PRKD1: variants seen among roughly 807,000 people sequenced by gnomAD.
PRKD1 encodes the protein serine/threonine-protein kinase D1.
Under a neutral mutation model 95.9 loss-of-function variants are expected in PRKD1, and 63 were observed. The ratio of observed to expected loss-of-function variants is 0.66; its 90% CI spans 0.54 to 0.81. The LOEUF is 0.81. PRKD1 is among the 30% of genes least tolerant of loss of function. The pLI, the probability that PRKD1 is intolerant of heterozygous loss-of-function variation, is 0.00. For missense variants in PRKD1, 1,048 were observed against 1,165.3 expected (o/e 0.90, Z 1.47); for synonymous variants, 425 against 423.1 (o/e 1.00, Z -0.05).
At chr14:29,737,211 A>G (rs1886762508) in intron 1 of PRKD1, among the ~76,000 whole-genome samples, 1 of 150,658 alleles carries the variant, frequency 6.6e-6, no homozygotes. Flanking sequence ...AGTCCCAGCT[A>G]CTGGGGAGGC....
chr14:29,688,416 T>C (rs1169511284), intron 2 of PRKD1, among the ~76,000 whole-genome samples: 1 of 151,926 alleles, frequency 6.6e-6, no homozygotes, highest in Non-Finnish European at 1.5e-5. Flanking sequence ...TGCACAACTT[T>C]ATGAGGTAGG....
intron 1 of PRKD1, among the ~76,000 whole-genome samples, chr14:29,862,649 T>C (rs1322186779): frequency 1.3e-5 from 2 of 152,212 alleles, no homozygotes; most frequent in African/African-American, 2.4e-5. Context: ...TTATGTCTGT[T>C]TGCCATTTGC....
At chr14:29,666,685 T>G (rs558438691) in intron 2 of PRKD1, among the ~76,000 whole-genome samples, 2 of 152,092 alleles carry the variant, frequency 1.3e-5, no homozygotes, top group African/African-American at 4.8e-5. Context: ...AGTTGAAAGA[T>G]AGATATAAAA....
chr14:29,734,570 C>T (rs1341329344), intron 1 of PRKD1, among the ~76,000 whole-genome samples: 1 of 152,126 alleles, frequency 6.6e-6, no homozygotes, highest in Non-Finnish European at 1.5e-5. Flanking sequence ...ATTCTTTGAA[C>T]ATCTCTAAAT....
intron 1 of PRKD1, among the ~76,000 whole-genome samples, chr14:29,834,811 TAGAA>T (rs148053758): frequency 0.012 from 1,877 of 152,278 alleles, 41 homozygotes; most frequent in African/African-American, 0.043. Context: ...ATTCCCATCT[TAGAA>T]AGGAAGAAAC....
intron 16 of PRKD1, among the ~76,000 whole-genome samples, chr14:29,585,753 C>T (rs145940316): frequency 6.6e-6 from 1 of 152,088 alleles, no homozygotes; most frequent in Non-Finnish European, 1.5e-5. Flanking sequence ...GAGTAACTGC[C>T]ATGCAGATTA....
At chr14:29,924,514 C>T (rs1413802090) in intron 1 of PRKD1, among the ~76,000 whole-genome samples, 1 of 152,092 alleles carries the variant, frequency 6.6e-6, no homozygotes, top group Non-Finnish European at 1.5e-5. Context: ...TTCCAATGCT[C>T]GTATGATCTA....
At chr14:29,774,478 A>T (rs1888647133) in intron 1 of PRKD1, among the ~76,000 whole-genome samples, 1 of 152,094 alleles carries the variant, frequency 6.6e-6, no homozygotes, top group Admixed American at 6.6e-5. Flanking sequence ...TAATAATAAC[A>T]CTTACTGAGG....
rs186868664 is a variant in PRKD1, at chr14:29,845,932, A to T, written c.264+81317T>A. Among the ~76,000 whole-genome samples, 223 of 152,324 alleles carry T rather than the reference A, an allele frequency of 1.5e-3. 2 individuals are homozygous for T. The highest frequency in any genetic ancestry group is 5.2e-3 in the African/African-American group (218 of 41,580). On this transcript the variant is annotated intron_variant, in intron 1 of 17. Coordinates refer to ENST00000331968, the MANE Select transcript of PRKD1 (RefSeq NM_002742.3). ...TCTAAAATGGGTTGTTGATGAATCT[A>T]TTTAATAACAGCTCAGGAGTTTATC...
chr14:29,876,298 A>G (rs796896351), intron 1 of PRKD1, among the ~76,000 whole-genome samples: 10 of 152,180 alleles, frequency 6.6e-5, no homozygotes, highest in African/African-American at 2.2e-4. Flanking sequence ...AGGCAAAACC[A>G]TGGGGATAAA....
intron 1 of PRKD1, among the ~76,000 whole-genome samples, chr14:29,849,541 T>C (rs1393988514): frequency 6.6e-6 from 1 of 150,414 alleles, no homozygotes; most frequent in Non-Finnish European, 1.5e-5. Context: ...GTTAAAAAAC[T>C]GAATCAGTGA....
chr14:29,582,219 C>T (rs1169739823), intron 16 of PRKD1, among the ~76,000 whole-genome samples: 2 of 152,144 alleles, frequency 1.3e-5, no homozygotes, highest in Non-Finnish European at 2.9e-5. Context: ...TAAATATTTG[C>T]AAATCATCTA....
rs1219880287 is a variant in PRKD1, at chr14:29,581,070, A to G, written c.2435-2710T>C. Among the ~76,000 whole-genome samples, 4 of 152,146 alleles carry G rather than the reference A, an allele frequency of 2.6e-5. No individual in the cohort carries two copies. In the South Asian group the frequency reaches 6.2e-4, roughly 24 times the overall value. ...AAAAAAAAAGTGTTTTCTTTTTATAACTTACTGTCATTAGTCCTATTTATG... is the reference window on the plus strand; with the variant it reads ...AAAAAAAAAGTGTTTTCTTTTTATAGCTTACTGTCATTAGTCCTATTTATG... On this transcript the variant is annotated intron_variant, in intron 16 of 17. Transcript: ENST00000331968.
chr14:29,832,531 A>G (rs913939727), intron 1 of PRKD1, among the ~76,000 whole-genome samples: 1 of 152,018 alleles, frequency 6.6e-6, no homozygotes, highest in Non-Finnish European at 1.5e-5. Flanking sequence ...GGTGGTATAA[A>G]ATTTATCTAC....
At chr14:29,744,655 T>A (rs1887131513) in intron 1 of PRKD1, among the ~76,000 whole-genome samples, 1 of 152,196 alleles carries the variant, frequency 6.6e-6, no homozygotes, top group East Asian at 1.9e-4. Context: ...CAAGTGATTA[T>A]CCTGCTTCAG....
chr14:29,624,315 A>T, intron 12 of PRKD1, 57 bp from the exon 13 acceptor site: 1 of 1,262,338 alleles, frequency 7.9e-7, no homozygotes, highest in Non-Finnish European at 1.1e-6. Flanking sequence ...TATCTTAAAG[A>T]ACACTAAAAT....
chr14:29,828,457 G>C (rs1346225113), intron 1 of PRKD1, among the ~76,000 whole-genome samples: 3 of 152,028 alleles, frequency 2.0e-5, no homozygotes, highest in Non-Finnish European at 4.4e-5. Context: ...CCTCCCACTA[G>C]GCCCACCTCT....
intron 13 of PRKD1, among the ~76,000 whole-genome samples, chr14:29,609,256 G>A (rs1438113034): frequency 6.6e-6 from 1 of 152,134 alleles, no homozygotes; most frequent in African/African-American, 2.4e-5. Flanking sequence ...GTAAGTTGAA[G>A]CATCTCCATT....
At chr14:29,777,962 A>G (rs978834909) in intron 1 of PRKD1, among the ~76,000 whole-genome samples, 1 of 152,226 alleles carries the variant, frequency 6.6e-6, no homozygotes, top group Non-Finnish European at 1.5e-5. Flanking sequence ...CCACAGTGCA[A>G]TCAAACTAGA....
Sources: gnomAD v4.1 joint callset for allele counts (sites outside exome capture counted in the v4.1 genomes callset) on GRCh38, gnomAD v4.1.1 for gene constraint, MANE v1.5 for transcripts, NCBI Gene and HGNC (gene_info 2026-07-23, HGNC 2026-07-21) for gene names.